The following SLIT3 variants were observed in gnomAD, a reference collection of about 807,000 sequenced individuals.
SLIT3 encodes slit homolog 3 protein.
In SLIT3, 68 loss-of-function variants were observed where a neutral mutation model predicts 184.0. That is an observed-to-expected ratio of 0.37 (90% CI 0.30 to 0.45). The LOEUF is 0.45. Among genes scored for constraint, SLIT3 ranks in the 20% least tolerant of loss-of-function variants. The pLI is 1.00. For missense variants in SLIT3, 1,707 were observed against 2,026.0 expected (o/e 0.84, Z 3.02); for synonymous variants, 831 against 828.6 (o/e 1.00, Z -0.05).
intron 3 of SLIT3, among the ~76,000 whole-genome samples, chr5:169,229,692 G>GTGA (rs139750018): frequency 0.22 from 33,488 of 150,968 alleles, 5,030 homozygotes; most frequent in Non-Finnish European, 0.34. Context: ...CTCTTGGGCC[G>GTGA]TGATGATGAT....
intron 1 of SLIT3, among the ~76,000 whole-genome samples, chr5:169,252,908 A>G (rs956954528): frequency 2.6e-5 from 4 of 152,224 alleles, no homozygotes; most frequent in Non-Finnish European, 5.9e-5. Flanking sequence ...GGTATCAGAC[A>G]TAATACTGAA....
intron 1 of SLIT3, among the ~76,000 whole-genome samples, chr5:169,267,052 T>C (rs1052025894): frequency 1.2e-4 from 19 of 152,258 alleles, no homozygotes; most frequent in African/African-American, 3.9e-4. Context: ...GTGTTTACCA[T>C]GTGCCAAGGA....
At chr5:169,159,579 C>T (rs148078161) in intron 4 of SLIT3, among the ~76,000 whole-genome samples, 3,148 of 151,332 alleles carry the variant, frequency 0.021, 86 homozygotes, top group African/African-American at 0.069. Flanking sequence ...ATCGAGACCA[C>T]CCTGGCTAAC....
intron 9 of SLIT3, among the ~76,000 whole-genome samples, chr5:168,798,223 C>CTTTTTTTTTTTTTTTTTTTTT (rs747746239): frequency 2.4e-4 from 26 of 109,020 alleles, no homozygotes; most frequent in African/African-American, 1.1e-3. Context: ...TCTTCTTCTT[C>CTTTTTTTTTTTTTTTTTTTTT]TTTTTTTTTT....
At chr5:169,270,756 G>T (rs1252456054) in intron 1 of SLIT3, among the ~76,000 whole-genome samples, 1 of 152,218 alleles carries the variant, frequency 6.6e-6, no homozygotes, top group African/African-American at 2.4e-5. Flanking sequence ...ATGGTTAAAA[G>T]TGTGGGTTCT....
intron 11 of SLIT3, 140 bp from the exon 12 acceptor site, chr5:168,786,118 T>TCATCAGC: frequency 1.6e-6 from 1 of 625,166 alleles, no homozygotes; most frequent in East Asian, 2.8e-5. Context: ...TAATCCCTTC[T>TCATCAGC]CATCAGCGAG....
At chr5:169,113,577 AG>A (rs1760524787) in intron 4 of SLIT3, among the ~76,000 whole-genome samples, 3 of 151,796 alleles carry the variant, frequency 2.0e-5, no homozygotes, top group Admixed American at 2.0e-4. Context: ...TGTCCTTTTG[AG>A]GGTTCCATCT....
At chr5:168,752,239 A>G (rs1754742370) in intron 18 of SLIT3, among the ~76,000 whole-genome samples, 1 of 152,106 alleles carries the variant, frequency 6.6e-6, no homozygotes, top group African/African-American at 2.4e-5. Flanking sequence ...ACAGATGTTC[A>G]GTCCCACATA....
intron 20 of SLIT3, among the ~76,000 whole-genome samples, chr5:168,739,445 TAG>T (rs1763547490): frequency 6.6e-6 from 1 of 150,416 alleles, no homozygotes; most frequent in African/African-American, 2.4e-5. Context: ...TTTTTTGAGA[TAG>T]AGTCTCACTC....
At chr5:168,797,871 AT>A (rs1429912311) in intron 9 of SLIT3, among the ~76,000 whole-genome samples, 1 of 152,168 alleles carries the variant, frequency 6.6e-6, no homozygotes, top group Non-Finnish European at 1.5e-5. Flanking sequence ...CTCTGTTTCT[AT>A]CCATTGGATA....
intron 4 of SLIT3, among the ~76,000 whole-genome samples, chr5:169,171,419 T>G (rs1171582251): frequency 6.6e-6 from 1 of 152,042 alleles, no homozygotes; most frequent in Non-Finnish European, 1.5e-5. Context: ...TAAATGTGTG[T>G]GGGGAGGTGG....
intron 4 of SLIT3, among the ~76,000 whole-genome samples, chr5:168,987,217 C>A (rs890327943): frequency 6.6e-6 from 1 of 152,192 alleles, no homozygotes; most frequent in Non-Finnish European, 1.5e-5. Flanking sequence ...TTCTCTCTCC[C>A]TCTTTACTCT....
intron 24 of SLIT3, among the ~76,000 whole-genome samples, chr5:168,711,273 C>T (rs761955463): frequency 1.8e-4 from 27 of 152,316 alleles, no homozygotes; most frequent in South Asian, 1.2e-3. Context: ...CAGCCCCTTC[C>T]ACTTCTGAGG....
intron 20 of SLIT3, among the ~76,000 whole-genome samples, chr5:168,739,690 C>T (rs1763558474): frequency 6.6e-6 from 1 of 152,176 alleles, no homozygotes; most frequent in Non-Finnish European, 1.5e-5. Flanking sequence ...AGCTGATCCA[C>T]CCACCTCGGC....
Position 168,943,297 on chromosome 5 carries a change from A to G in SLIT3, c.414-59961T>C, listed in dbSNP as rs575648564. ...CATGTAAAATTTTCCCGAGTTCAAG[A>G]AGGAGAAAAAAGTACTTAGCAACTA... is the stretch of plus-strand genomic sequence containing the variant. On this transcript the variant is annotated intron_variant, in intron 4 of 35. Coordinates refer to ENST00000519560, the MANE Select transcript of SLIT3 (RefSeq NM_003062.4). Among the ~76,000 whole-genome samples the G allele has an allele frequency of 3.9e-5, 6 of 152,322 alleles. No individual in the cohort carries two copies. In the South Asian group the frequency reaches 1.2e-3, roughly 32 times the overall value.
At chr5:168,774,702 G>A (rs1754803016) in intron 12 of SLIT3, among the ~76,000 whole-genome samples, 1 of 151,574 alleles carries the variant, frequency 6.6e-6, no homozygotes, top group Non-Finnish European at 1.5e-5. Flanking sequence ...AGGATTCAGA[G>A]CTTCCAGGAA....
At chr5:169,115,968 T>C (rs1760647993) in intron 4 of SLIT3, among the ~76,000 whole-genome samples, 1 of 152,128 alleles carries the variant, frequency 6.6e-6, no homozygotes, top group Non-Finnish European at 1.5e-5. Context: ...GTAGATACTC[T>C]ATAAAGCACC....
intron 6 of SLIT3, among the ~76,000 whole-genome samples, chr5:168,830,859 A>G (rs1257283947): frequency 2.6e-5 from 4 of 152,206 alleles, no homozygotes; most frequent in African/African-American, 9.6e-5. Context: ...TCACCTTTCC[A>G]GCTTCCACAT....
intron 4 of SLIT3, among the ~76,000 whole-genome samples, chr5:169,103,455 G>A (rs1760091290): frequency 6.6e-6 from 1 of 152,186 alleles, no homozygotes; most frequent in Admixed American, 6.5e-5. Context: ...TGTGCTCCTG[G>A]TTGCAATGAA....
Sources: allele counts gnomAD v4.1 joint callset (sites outside exome capture counted in the v4.1 genomes callset), GRCh38; gene constraint gnomAD v4.1.1; transcripts MANE v1.5; gene names NCBI Gene and HGNC (gene_info 2026-07-23, HGNC 2026-07-21).